NCKAP5: variants seen among roughly 807,000 people sequenced by gnomAD.
NCKAP5 encodes the protein NCK associated protein 5, also known as nck-associated protein 5.
A neutral mutation model predicts 167.0 loss-of-function variants in NCKAP5; 92 were observed. The ratio of observed to expected loss-of-function variants is 0.55; its 90% CI spans 0.47 to 0.66. The LOEUF (loss-of-function observed/expected upper bound fraction) is 0.66, where lower values mean the gene tolerates loss of function less well. Among genes scored for constraint, NCKAP5 ranks in the 30% least tolerant of loss-of-function variants. The pLI, the probability that NCKAP5 is intolerant of heterozygous loss-of-function variation, is 0.00. For synonymous variants in NCKAP5, 891 were observed against 877.4 expected, an observed-to-expected ratio of 1.02 and a Z score of -0.27; for missense variants, 2,378 against 2,315.0, an observed-to-expected ratio of 1.03 and a Z score of -0.56.
chr2:133,581,200 A>C, the NCKAP5 span, among the ~76,000 whole-genome samples: 2 of 152,164 alleles, frequency 1.3e-5, no homozygotes, highest in South Asian at 4.1e-4. Context: ...AAAAATCTTA[A>C]AAGTAAACTT....
chr2:133,187,939 T>A (rs978799019), intron 5 of NCKAP5, among the ~76,000 whole-genome samples: 2 of 152,122 alleles, frequency 1.3e-5, no homozygotes, highest in African/African-American at 4.8e-5. Flanking sequence ...TTTGCCAGTC[T>A]GTGTCTTTTA....
chr2:133,624,065 C>T, the NCKAP5 span, among the ~76,000 whole-genome samples: 1 of 151,874 alleles, frequency 6.6e-6, no homozygotes, highest in Non-Finnish European at 1.5e-5. Context: ...CTCACTCATG[C>T]GTGGGAACTA....
At chr2:132,771,829 C>T (rs570306164) in intron 16 of NCKAP5, among the ~76,000 whole-genome samples, 38 of 148,772 alleles carry the variant, frequency 2.6e-4, no homozygotes, top group African/African-American at 9.4e-4. Flanking sequence ...CCCACAACCA[C>T]GCCCGGCTAA....
At chr2:132,994,381 C>T (rs2149310276) in intron 6 of NCKAP5, 142 bp from the exon 7 acceptor site, 1 of 631,220 alleles carries the variant, frequency 1.6e-6, no homozygotes, top group South Asian at 2.1e-5. Flanking sequence ...CATCTTCTAT[C>T]AGTTATCTGT....
intron 11 of NCKAP5, among the ~76,000 whole-genome samples, chr2:132,832,099 C>T (rs911253951): frequency 6.6e-6 from 1 of 152,102 alleles, no homozygotes; most frequent in African/African-American, 2.4e-5. Flanking sequence ...GCAAGTCCCC[C>T]TTCATGCTTT....
chr2:133,350,778 C>T (rs1317971961), intron 3 of NCKAP5, among the ~76,000 whole-genome samples: 1 of 152,124 alleles, frequency 6.6e-6, no homozygotes, highest in Non-Finnish European at 1.5e-5. Flanking sequence ...CACAGACCCC[C>T]TTTTAGTCCT....
chr2:132,964,439 A>G (rs1465427031), intron 7 of NCKAP5, among the ~76,000 whole-genome samples: 1 of 152,156 alleles, frequency 6.6e-6, no homozygotes, highest in Non-Finnish European at 1.5e-5. Flanking sequence ...CATTCGTACT[A>G]TGGCCTTGAG....
At chr2:133,649,449 C>T in the NCKAP5 span, among the ~76,000 whole-genome samples, 1 of 151,748 alleles carries the variant, frequency 6.6e-6, no homozygotes, top group Non-Finnish European at 1.5e-5. Flanking sequence ...AATTGCAGGC[C>T]ACTATCCTTA....
At chr2:133,538,920 G>T (rs1685973766) in intron 2 of NCKAP5, among the ~76,000 whole-genome samples, 1 of 130,472 alleles carries the variant, frequency 7.7e-6, no homozygotes, top group Non-Finnish European at 1.6e-5. Flanking sequence ...TTTTTTTTGT[G>T]GTTTTTTTGG....
At chr2:132,792,809 T>A (rs2105128974) in intron 12 of NCKAP5, among the ~76,000 whole-genome samples, 1 of 152,296 alleles carries the variant, frequency 6.6e-6, no homozygotes, top group Admixed American at 6.5e-5. Context: ...CTATTAAAAT[T>A]ATACCTATTT....
intron 8 of NCKAP5, among the ~76,000 whole-genome samples, chr2:132,887,325 A>ATCTATCTATCTG (rs1692312041): frequency 9.7e-6 from 1 of 103,344 alleles, no homozygotes. Context: ...TATTTTATCT[A>ATCTATCTATCTG]TCTATCTATC....
At chr2:133,378,630 G>A (rs1258282403) in intron 3 of NCKAP5, among the ~76,000 whole-genome samples, 1 of 152,162 alleles carries the variant, frequency 6.6e-6, no homozygotes, top group African/African-American at 2.4e-5. Context: ...CACAGCCAGG[G>A]AAAGGGTATT....
chr2:133,279,876 C>T lies in NCKAP5; in HGVS notation c.143+23161G>A, dbSNP rs549909372. Among the ~76,000 whole-genome samples, 4 of 152,342 alleles carry T rather than the reference C, an allele frequency of 2.6e-5. No individual in the cohort carries two copies. The South Asian group carries it at 6.2e-4, about 24-fold the overall frequency. ...TCTTGTCTTAATTTAGTTATTCACA[C>T]AACCATCATTCATTAGGAAATTAAT... is the stretch of plus-strand genomic sequence containing the variant. On this transcript the variant is annotated intron_variant, in intron 4 of 19. Coordinates refer to ENST00000409261, the MANE Select transcript of NCKAP5 (RefSeq NM_207363.3).
intron 1 of NCKAP5, among the ~76,000 whole-genome samples, chr2:133,562,585 C>T (rs536558059): frequency 3.3e-5 from 5 of 152,164 alleles, no homozygotes; most frequent in Non-Finnish European, 5.9e-5. Context: ...CTTTCAACAC[C>T]GTAATATTTA....
At chr2:133,210,809 C>T (rs994959490) in intron 5 of NCKAP5, among the ~76,000 whole-genome samples, 5 of 151,996 alleles carry the variant, frequency 3.3e-5, no homozygotes, top group African/African-American at 1.2e-4. Context: ...ATGGTGTCTC[C>T]AAGGAATTGA....
At chr2:132,760,404 A>G (rs72844794) in intron 16 of NCKAP5, among the ~76,000 whole-genome samples, 14,394 of 152,228 alleles carry the variant, frequency 0.095, 764 homozygotes, top group East Asian at 0.13. Flanking sequence ...TACAAATTAT[A>G]TCTTCAAGCA....
chr2:133,381,174 G>A (rs1048291085), intron 3 of NCKAP5, among the ~76,000 whole-genome samples: 5 of 151,914 alleles, frequency 3.3e-5, no homozygotes, highest in Non-Finnish European at 5.9e-5. Context: ...GGACGAGGAT[G>A]ACAAGGCATG....
At chr2:133,624,798 G>C in the NCKAP5 span, among the ~76,000 whole-genome samples, 8 of 152,118 alleles carry the variant, frequency 5.3e-5, no homozygotes, top group Non-Finnish European at 1.2e-4. Flanking sequence ...CACATGTTAC[G>C]TTTTTGGAAT....
chr2:133,643,532 C>T, the NCKAP5 span, among the ~76,000 whole-genome samples: 1 of 152,160 alleles, frequency 6.6e-6, no homozygotes, highest in African/African-American at 2.4e-5. Flanking sequence ...CTTCTAATGC[C>T]TTAATTGTTC....
Sources: gnomAD v4.1 joint callset for allele counts (sites outside exome capture counted in the v4.1 genomes callset) on GRCh38, gnomAD v4.1.1 for gene constraint, MANE v1.5 for transcripts, NCBI Gene and HGNC (gene_info 2026-07-23, HGNC 2026-07-21) for gene names.